Variants in LAGE3 observed in about 807,000 individuals in gnomAD.
The protein encoded by LAGE3 is L antigen family member 3.
In LAGE3, 2 loss-of-function variants were observed where a neutral mutation model predicts 4.4. The ratio of observed to expected loss-of-function variants is 0.46; its 90% CI spans 0.19 to 1.44. The LOEUF is 1.44. Ranked by LOEUF, LAGE3 falls within the 40% of genes most tolerant of loss-of-function variation. LAGE3 has a pLI of 0.26. For missense variants in LAGE3, 152 were observed against 138.1 expected, an observed-to-expected ratio of 1.10 and a Z score of -0.51; for synonymous variants, 79 against 60.0, an observed-to-expected ratio of 1.32 and a Z score of -1.47.
Position 154,478,918 on chromosome X carries a change from C to A in LAGE3, c.-3G>T. The A allele has an allele frequency of 7.5e-6, 7 of 933,943 alleles. No homozygotes were observed. The highest frequency in any genetic ancestry group is 9.5e-6 in the Non-Finnish European group (7 of 733,798). 77.0% of individuals were successfully genotyped at this position (933,943 alleles called of 1,213,427 possible). A position where few individuals can be genotyped will look rare whatever the true frequency, so the allele number is the denominator to read the frequency against. On this transcript the variant is annotated 5_prime_UTR_variant, in exon 1 of 3. Coordinates refer to ENST00000357360, the MANE Select transcript of LAGE3 (RefSeq NM_006014.5). ...GCGTCTGCATCCGCGTCCCGCATGA[C>A]CGCCGCCGCGCCGCTCCGACTCCAC...
chrX:154,478,886 T>A lies in LAGE3; in HGVS notation c.30A>T (p.Gly10=). The A allele has an allele frequency of 1.0e-6, 1 of 1,001,307 alleles. No homozygotes were observed. The highest frequency in any genetic ancestry group is 3.2e-5 in the South Asian group (1 of 31,345). The allele number at this position is 1,001,307 out of a possible 1,213,427, so 82.5% of individuals were successfully genotyped here. The part of the protein sequence containing the change: MRDADADAG[G]GADGGDGRGG... ...CCCGGCCATCCCCGCCGTCAGCGCC[T>A]CCGCCTGCGTCTGCATCCGCGTCCC... The change falls in exon 1 of 3, where the codon GGA becomes GGT. Residue 10 remains glycine (G), a synonymous_variant. Coordinates refer to ENST00000357360, the MANE Select transcript of LAGE3 (RefSeq NM_006014.5).
rs369816616 is a variant in LAGE3 at position 154,477,912 on chromosome X, G to A, written c.*32C>T. 8.2e-5 allele frequency: 93 copies of A among 1,137,309 alleles called. No individual in the cohort carries two copies. The highest frequency in any genetic ancestry group is 1.4e-4 in the South Asian group (8 of 55,195). 93.7% of individuals were successfully genotyped at this position (1,137,309 alleles called of 1,213,427 possible). A position where few individuals can be genotyped will look rare whatever the true frequency, so the allele number is the denominator to read the frequency against. Reference sequence around the variant, plus strand: ...CGCACTGCCTACAAGGAGACGCAAAGTGGGACCTCGCTCCATTTGCCCAGG... The same window carrying A: ...CGCACTGCCTACAAGGAGACGCAAAATGGGACCTCGCTCCATTTGCCCAGG... On this transcript the variant is annotated 3_prime_UTR_variant, in exon 3 of 3. Coordinates refer to ENST00000357360, the MANE Select transcript of LAGE3 (RefSeq NM_006014.5).
Position 154,478,793 on chromosome X carries a change from G to C in LAGE3, c.123C>G (p.His41Gln), listed in dbSNP as rs1362991791. The change falls in exon 1 of 3, where the codon CAC becomes CAG. Residue 41 changes from histidine (H) to glutamine (Q), a missense_variant. Coordinates refer to ENST00000357360, the MANE Select transcript of LAGE3 (RefSeq NM_006014.5). ...CGGCGTCTCTGCCCGGACCTGGCGC[G>C]TGCGCTGGGGGAGCTCCACCGGCCG... ...AAPAGGAPPAHAPGPGRDAAS... is the reference protein window; with the variant it reads ...AAPAGGAPPAQAPGPGRDAAS... 1 of 1,135,429 alleles carries C rather than the reference G, an allele frequency of 8.8e-7. No homozygotes were observed. The highest frequency in any genetic ancestry group is 1.2e-6 in the Non-Finnish European group (1 of 865,961). The allele number at this position is 1,135,429 out of a possible 1,213,427, so 93.6% of individuals were successfully genotyped here.
intron 1 of LAGE3, 109 bp downstream of exon 1, chrX:154,478,619 C>G (rs2069253034): frequency 2.1e-6 from 2 of 942,435 alleles, no homozygotes; most frequent in East Asian, 8.0e-5. Flanking sequence ...ACGCCAGCCC[C>G]GGTCCCCCCC....
At chrX:154,478,476 C>T (rs1007283352) in intron 1 of LAGE3, 65 bp from the exon 2 acceptor site, 12 of 1,118,852 alleles carry the variant, frequency 1.1e-5, no homozygotes, top group South Asian at 2.1e-5. Context: ...CCTTCTTGCT[C>T]CTCTGAAGCC....
In LAGE3 at chrX:154,477,822, A is replaced by ATAAAACATGAGGCC. The variant is rs1484711393; in HGVS notation, c.*108_*121dup. On this transcript the variant is annotated 3_prime_UTR_variant, in exon 3 of 3. Coordinates refer to ENST00000357360, the MANE Select transcript of LAGE3 (RefSeq NM_006014.5). The stretch of plus-strand genomic sequence containing the variant: ...GTAGTAACAAACATTTAAGAACCAG[A>ATAAAACATGAGGCC]TAAAACATGAGGCCCTCCCAGGAAA... 5 of 496,430 alleles carry ATAAAACATGAGGCC rather than the reference A, an allele frequency of 1.0e-5. No individual in the cohort carries two copies. Among genetic ancestry groups the ATAAAACATGAGGCC allele is most frequent in the Non-Finnish European group, 1.7e-5 (5 of 290,109 alleles). The allele number at this position is 496,430 out of a possible 1,213,427, so 40.9% of individuals were successfully genotyped here.
rs1557211485 is a variant in LAGE3 at position 154,478,869 on chromosome X, T to C, written c.47A>G (p.Asp16Gly). The change falls in exon 1 of 3, where the codon GAT (aspartate) becomes GGT (glycine). Residue 16 changes from aspartate to glycine, a missense_variant. Transcript: ENST00000357360. ...GCGGCAGCTGTGGCCACCCCGGCCA[T>C]CCCCGCCGTCAGCGCCTCCGCCTGC... Reference protein sequence around the residue: ...ADAGGGADGGDGRGGHSCRGG... With the variant: ...ADAGGGADGGGGRGGHSCRGG... 1 of 1,011,101 alleles carries C rather than the reference T, an allele frequency of 9.9e-7. No homozygotes were observed. Among genetic ancestry groups the C allele is most frequent in the Non-Finnish European group, 1.2e-6 (1 of 801,187 alleles). The allele number at this position is 1,011,101 out of a possible 1,213,427, so 83.3% of individuals were successfully genotyped here.
rs1304456940 is a variant in LAGE3, at chrX:154,478,923, G to A, written c.-8C>T. 83 of 908,111 alleles carry A rather than the reference G, an allele frequency of 9.1e-5. No individual in the cohort carries two copies. Among genetic ancestry groups the A allele is most frequent in the Non-Finnish European group, 1.1e-4 (79 of 713,478 alleles). The allele number at this position is 908,111 out of a possible 1,213,427, so 74.8% of individuals were successfully genotyped here. ...TGCATCCGCGTCCCGCATGACCGCC[G>A]CCGCGCCGCTCCGACTCCACCCCCG... On this transcript the variant is annotated 5_prime_UTR_variant, in exon 1 of 3. Transcript: ENST00000357360.
chrX:154,477,869 G>A lies in LAGE3; in HGVS notation c.*75C>T. 1 of 786,525 alleles carries A rather than the reference G, an allele frequency of 1.3e-6. No homozygotes were observed. The highest frequency in any genetic ancestry group is 2.2e-5 in the South Asian group (1 of 44,691). 64.8% of individuals were successfully genotyped at this position (786,525 alleles called of 1,213,427 possible). A position where few individuals can be genotyped will look rare whatever the true frequency, so the allele number is the denominator to read the frequency against. On this transcript the variant is annotated 3_prime_UTR_variant, in exon 3 of 3. Coordinates refer to ENST00000357360, the MANE Select transcript of LAGE3 (RefSeq NM_006014.5). The stretch of plus-strand genomic sequence containing the variant: ...GAAAGTAGCAACTGTGGGAATTCCT[G>A]CCCTAGGGAAGGATGGACGCACTGC...
In LAGE3 at chrX:154,478,424, C is replaced by T; in HGVS notation, c.189-13G>A. On this transcript the variant is annotated splice_polypyrimidine_tract_variant and intron_variant, in intron 1 of 2. Transcript: ENST00000357360. Reference sequence around the variant, plus strand: ...CACGCTGAGGGTGCTGGGGGTCATTCGGTTAAGGTGCCATCTGATACGATC... The same window carrying T: ...CACGCTGAGGGTGCTGGGGGTCATTTGGTTAAGGTGCCATCTGATACGATC... 2.5e-6 allele frequency: 3 copies of T among 1,178,670 alleles called. No individual in the cohort carries two copies. Among genetic ancestry groups the T allele is most frequent in the Non-Finnish European group, 3.4e-6 (3 of 880,113 alleles).
At chrX:154,478,139 G>T in intron 2 of LAGE3, 81 bp from the exon 3 acceptor site, 1 of 1,105,024 alleles carries the variant, frequency 9.0e-7, no homozygotes, top group Non-Finnish European at 1.2e-6. Flanking sequence ...ACCCAATATA[G>T]CAAACCCTTG....
chrX:154,478,895 G>A lies in LAGE3; in HGVS notation c.21C>T (p.Asp7=), dbSNP rs1389007669. The change falls in exon 1 of 3, where the codon GAC becomes GAT. Residue 7 remains aspartate, a synonymous_variant. Transcript: ENST00000357360. The part of the protein sequence containing the change: MRDADA[D]AGGGADGGDG... ...CCCCGCCGTCAGCGCCTCCGCCTGC[G>A]TCTGCATCCGCGTCCCGCATGACCG... is the stretch of plus-strand genomic sequence containing the variant. 2.0e-6 allele frequency: 2 copies of A among 993,970 alleles called. No homozygotes were observed. The highest frequency in any genetic ancestry group is 2.5e-6 in the Non-Finnish European group (2 of 787,299). 81.9% of individuals were successfully genotyped at this position (993,970 alleles called of 1,213,427 possible).
In LAGE3 at chrX:154,479,099, T is replaced by C. The variant is rs868976772; in HGVS notation, c.-184A>G. On this transcript the variant is annotated 5_prime_UTR_variant, in exon 1 of 3. Transcript: ENST00000357360. ...CGCCAAGCGGCCCTGCCGGGGGCCT[T>C]CTGAGACCCGGTCAGCGGTTGAGAG... 69 of 294,605 alleles carry C rather than the reference T, an allele frequency of 2.3e-4. No homozygotes were observed. In the Middle Eastern group the frequency reaches 9.9e-3, roughly 42 times the overall value. The allele number at this position is 294,605 out of a possible 1,213,427, so 24.3% of individuals were successfully genotyped here. A position where few individuals can be genotyped will look rare whatever the true frequency, so the allele number is the denominator to read the frequency against.
At position 154,479,089 on chromosome X, in the gene LAGE3, C is replaced by G. The variant is rs1335886742; in HGVS notation, c.-174G>C. The G allele has an allele frequency of 6.7e-6, 2 of 297,247 alleles. No homozygotes were observed. The highest frequency in any genetic ancestry group is 5.4e-5 in the African/African-American group (2 of 36,842). The allele number at this position is 297,247 out of a possible 1,213,427, so 24.5% of individuals were successfully genotyped here. A position where few individuals can be genotyped will look rare whatever the true frequency, so the allele number is the denominator to read the frequency against. ...GGTCAGTTCCCGCCAAGCGGCCCTG[C>G]CGGGGGCCTTCTGAGACCCGGTCAG... On this transcript the variant is annotated 5_prime_UTR_variant, in exon 1 of 3. Transcript: ENST00000357360.
chrX:154,478,576 G>A, intron 1 of LAGE3, 152 bp downstream of exon 1: 1 of 952,141 alleles, frequency 1.1e-6, no homozygotes, highest in East Asian at 3.7e-5. Flanking sequence ...CCATTTCAAT[G>A]TCTTCCCCTC....
At position 154,479,097 on chromosome X, in the gene LAGE3, C is replaced by G; in HGVS notation, c.-182G>C. 1 of 295,668 alleles carries G rather than the reference C, an allele frequency of 3.4e-6. No individual in the cohort carries two copies. The highest frequency in any genetic ancestry group is 4.8e-5 in the East Asian group (1 of 20,710). 24.4% of individuals were successfully genotyped at this position (295,668 alleles called of 1,213,427 possible). A position where few individuals can be genotyped will look rare whatever the true frequency, so the allele number is the denominator to read the frequency against. On this transcript the variant is annotated 5_prime_UTR_variant, in exon 1 of 3. Coordinates refer to ENST00000357360, the MANE Select transcript of LAGE3 (RefSeq NM_006014.5). Reference sequence around the variant, plus strand: ...CCCGCCAAGCGGCCCTGCCGGGGGCCTTCTGAGACCCGGTCAGCGGTTGAG... The same window carrying G: ...CCCGCCAAGCGGCCCTGCCGGGGGCGTTCTGAGACCCGGTCAGCGGTTGAG...
At position 154,478,848 on chromosome X, in the gene LAGE3, C is replaced by A; in HGVS notation, c.68G>T (p.Cys23Phe). 1 of 1,039,007 alleles carries A rather than the reference C, an allele frequency of 9.6e-7. No homozygotes were observed. Among genetic ancestry groups the A allele is most frequent in the Non-Finnish European group, 1.2e-6 (1 of 816,187 alleles). The allele number at this position is 1,039,007 out of a possible 1,213,427, so 85.6% of individuals were successfully genotyped here. Residue 23 changes from cysteine (C) to phenylalanine (F), a missense_variant, in exon 1 of 3, where the codon TGC becomes TTC. Coordinates refer to ENST00000357360, the MANE Select transcript of LAGE3 (RefSeq NM_006014.5). ...DGGDGRGGHS[C>F]RGGVDTAAAP... Reference sequence around the variant, plus strand: ...TGCGGCTGTGTCCACGCCCCCGCGGCAGCTGTGGCCACCCCGGCCATCCCC... The same window carrying A: ...TGCGGCTGTGTCCACGCCCCCGCGGAAGCTGTGGCCACCCCGGCCATCCCC...
chrX:154,478,114 C>T lies in LAGE3; in HGVS notation c.318-56G>A, dbSNP rs142091137. 1,681 of 1,112,960 alleles carry T rather than the reference C, an allele frequency of 1.5e-3. 12 individuals are homozygous for T. In the African/African-American group the frequency reaches 0.026, roughly 17 times the overall value. The allele number at this position is 1,112,960 out of a possible 1,213,427, so 91.7% of individuals were successfully genotyped here. A position where few individuals can be genotyped will look rare whatever the true frequency, so the allele number is the denominator to read the frequency against. On this transcript the variant is annotated intron_variant, in intron 2 of 2. Transcript: ENST00000357360. ...GGAGGTGGCAACTCCTGGTCCCTCG[C>T]TCTGCCCCTCAGGCACCCAATATAG...
At chrX:154,478,199 C>T in intron 2 of LAGE3, 84 bp downstream of exon 2, 1 of 1,159,860 alleles carries the variant, frequency 8.6e-7, no homozygotes, top group Non-Finnish European at 1.2e-6. Context: ...CCCAGCGCAC[C>T]TGGCGCTCCT....
Sources: allele counts gnomAD v4.1 joint callset, GRCh38; gene constraint gnomAD v4.1.1; transcripts MANE v1.5; gene names NCBI Gene and HGNC (gene_info 2026-07-23, HGNC 2026-07-21).